Variants in FNIP1 observed in about 807,000 individuals in gnomAD.
The protein encoded by FNIP1 is folliculin interacting protein 1.
A neutral mutation model predicts 124.5 loss-of-function variants in FNIP1; 40 were observed. The ratio of observed to expected loss-of-function variants is 0.32; its 90% CI spans 0.25 to 0.42. The LOEUF (loss-of-function observed/expected upper bound fraction) is 0.42, where lower values mean the gene tolerates loss of function less well. Ranked by LOEUF, FNIP1 falls within the 10% of genes least tolerant of loss-of-function variation. FNIP1 has a pLI of 1.00. For synonymous variants in FNIP1, 472 were observed against 470.6 expected (o/e 1.00, Z -0.04); for missense variants, 1,176 against 1,403.7 (o/e 0.84, Z 2.59).
chr5:131,688,577 G>A (rs1768364075), intron 11 of FNIP1, among the ~76,000 whole-genome samples: 1 of 150,868 alleles, frequency 6.6e-6, no homozygotes, highest in African/African-American at 2.4e-5. Context: ...TGATAAATAT[G>A]TTTATTTTAT....
At chr5:131,767,427 C>CAAAAAAAAAAAAAAAAAAA (rs139550903) in intron 1 of FNIP1, among the ~76,000 whole-genome samples, 16 of 63,988 alleles carry the variant, frequency 2.5e-4, no homozygotes, top group African/African-American at 8.1e-4. Flanking sequence ...GATTCTGTCT[C>CAAAAAAAAAAAAAAAAAAA]AAAAAAAAAA....
intron 15 of FNIP1, 39 bp downstream of exon 15, chr5:131,670,424 T>G: frequency 6.7e-7 from 1 of 1,487,598 alleles, no homozygotes; most frequent in Admixed American, 2.4e-5. Flanking sequence ...TTAACAGAGT[T>G]TCTTCTAAAT....
At chr5:131,674,743 A>G (rs915956007) in intron 13 of FNIP1, among the ~76,000 whole-genome samples, 1 of 152,098 alleles carries the variant, frequency 6.6e-6, no homozygotes, top group Admixed American at 6.5e-5. Flanking sequence ...AAAAAGGAGA[A>G]TACAAAGCCA....
chr5:131,698,833 T>G, intron 11 of FNIP1, 84 bp downstream of exon 11: 1 of 1,207,674 alleles, frequency 8.3e-7, no homozygotes, highest in Non-Finnish European at 1.1e-6. Context: ...GAAATCAAAT[T>G]TTATTAGAAC....
intron 1 of FNIP1, among the ~76,000 whole-genome samples, chr5:131,782,219 G>C (rs984709764): frequency 6.6e-6 from 1 of 152,050 alleles, no homozygotes; most frequent in African/African-American, 2.4e-5. Flanking sequence ...CCATAAATAA[G>C]TGATTCTTCT....
chr5:131,790,287 T>C (rs1772361295), intron 1 of FNIP1, among the ~76,000 whole-genome samples: 1 of 152,036 alleles, frequency 6.6e-6, no homozygotes, highest in Admixed American at 6.6e-5. Flanking sequence ...TATACTGGCC[T>C]GGGCAACGTG....
At position 131,643,352 on chromosome 5, in the gene FNIP1, G is replaced by T. The variant is rs1766772066; in HGVS notation, c.*1333C>A. ...AAGTGGTTTTCTTTTTTTAATCAAT[G>T]ATGAAATTATGATGAAAATAGTCAA... On this transcript the variant is annotated 3_prime_UTR_variant, in exon 18 of 18. Coordinates refer to ENST00000510461, the MANE Select transcript of FNIP1 (RefSeq NM_133372.3). 6.6e-6 allele frequency: 1 copy of T among 152,614 alleles called. No homozygotes were observed. The highest frequency in any genetic ancestry group is 2.1e-4 in the South Asian group (1 of 4,832). 9.5% of individuals were successfully genotyped at this position (152,614 alleles called of 1,614,324 possible).
intron 1 of FNIP1, among the ~76,000 whole-genome samples, chr5:131,772,558 A>G (rs1170138401): frequency 6.6e-5 from 10 of 152,076 alleles, no homozygotes; most frequent in African/African-American, 1.2e-4. Flanking sequence ...ACTAAGTACA[A>G]CTAAATTTCT....
At chr5:131,791,311 T>C (rs1772399242) in intron 1 of FNIP1, among the ~76,000 whole-genome samples, 2 of 152,106 alleles carry the variant, frequency 1.3e-5, no homozygotes, top group Non-Finnish European at 2.9e-5. Context: ...CAACAAAGAA[T>C]GCTAAAATCA....
At chr5:131,779,924 G>C (rs1771941477) in intron 1 of FNIP1, among the ~76,000 whole-genome samples, 1 of 151,724 alleles carries the variant, frequency 6.6e-6, no homozygotes, top group African/African-American at 2.4e-5. Context: ...TTTAGGGATG[G>C]GTGCAGGGCT....
At chr5:131,729,369 A>G (rs1403389345) in intron 3 of FNIP1, among the ~76,000 whole-genome samples, 1 of 152,194 alleles carries the variant, frequency 6.6e-6, no homozygotes, top group African/African-American at 2.4e-5. Context: ...CCTTTCTTTC[A>G]GAGATGCCCT....
At chr5:131,657,752 A>AAAC (rs1767247256) in intron 15 of FNIP1, among the ~76,000 whole-genome samples, 3 of 151,056 alleles carry the variant, frequency 2.0e-5, no homozygotes, top group Admixed American at 2.0e-4. Context: ...AAAAAAAAAA[A>AAAC]AAAAAACGGT....
At chr5:131,719,686 C>G (rs1051781431) in intron 3 of FNIP1, among the ~76,000 whole-genome samples, 1 of 152,138 alleles carries the variant, frequency 6.6e-6, no homozygotes, top group African/African-American at 2.4e-5. Flanking sequence ...CAGACCAGTT[C>G]CCTTTACTCA....
chr5:131,763,167 T>C (rs1341848832), intron 1 of FNIP1, among the ~76,000 whole-genome samples: 1 of 152,180 alleles, frequency 6.6e-6, no homozygotes, highest in Non-Finnish European at 1.5e-5. Context: ...AAAAGTATAA[T>C]TGGATTGTAT....
chr5:131,742,284 C>T (rs557406518), intron 2 of FNIP1, among the ~76,000 whole-genome samples: 21 of 152,212 alleles, frequency 1.4e-4, no homozygotes, highest in South Asian at 2.1e-4. Flanking sequence ...GCCAACAAGG[C>T]GAAACCCCAT....
intron 2 of FNIP1, 69 bp from the exon 3 acceptor site, chr5:131,731,107 T>C: frequency 1.4e-6 from 2 of 1,445,676 alleles, no homozygotes; most frequent in Non-Finnish European, 1.9e-6. Flanking sequence ...CATCAAAGTA[T>C]AAAAACCTTT....
At chr5:131,726,135 G>A (rs1206219428) in intron 3 of FNIP1, among the ~76,000 whole-genome samples, 1 of 152,124 alleles carries the variant, frequency 6.6e-6, no homozygotes, top group African/African-American at 2.4e-5. Context: ...TGTTCATCAG[G>A]GATACTGGCC....
chr5:131,692,473 T>C (rs1057426401), intron 11 of FNIP1, among the ~76,000 whole-genome samples: 4 of 152,146 alleles, frequency 2.6e-5, no homozygotes, highest in Non-Finnish European at 5.9e-5. Flanking sequence ...AAACGTCAAT[T>C]CTTCCCAAGT....
At position 131,731,018 on chromosome 5, in the gene FNIP1, T is replaced by C. The variant is rs1451100938; in HGVS notation, c.240A>G (p.Gln80=). 1 of 1,613,270 alleles carries C rather than the reference T, an allele frequency of 6.2e-7. No homozygotes were observed. The highest frequency in any genetic ancestry group is 8.5e-7 in the Non-Finnish European group (1 of 1,179,642). ...GGCAGCATTTCCCAAAGACTTTAAC[T>C]TGAGCATCACTGCCGAGTTTCTGAA... is the stretch of plus-strand genomic sequence containing the variant. ...ISVSKLGSDA[Q]VKVFGKCCQL... is the part of the protein sequence containing the mutation. Residue 80 remains glutamine (Q), a synonymous_variant, in exon 3 of 18, where the codon CAA becomes CAG. Transcript: ENST00000510461.
Sources: gnomAD v4.1 joint callset for allele counts (sites outside exome capture counted in the v4.1 genomes callset) on GRCh38, gnomAD v4.1.1 for gene constraint, MANE v1.5 for transcripts, NCBI Gene and HGNC (gene_info 2026-07-23, HGNC 2026-07-21) for gene names.